Variants in CHD1L observed in about 807,000 individuals in gnomAD.
CHD1L encodes chromodomain helicase DNA binding protein 1 like.
Under a neutral mutation model 115.9 loss-of-function variants are expected in CHD1L, and 118 were observed. That is an observed-to-expected ratio of 1.02 (90% confidence interval 0.88 to 1.19). The LOEUF (loss-of-function observed/expected upper bound fraction) is 1.19. Ranked by LOEUF, CHD1L falls within the 50% of genes most tolerant of loss-of-function variation. The pLI is 0.00. For missense variants in CHD1L, 1,179 were observed against 1,065.3 expected (o/e 1.11, Z -1.49); for synonymous variants, 411 against 387.1 (o/e 1.06, Z -0.72).
chr1:147,286,459 C>G lies in CHD1L; in HGVS notation c.2180C>G (p.Pro727Arg), dbSNP rs782318754. Residue 727 changes from proline (P) to arginine (R), a missense_variant, in exon 18 of 23, where the codon CCT becomes CGT. By Grantham distance (103) the Pro-to-Arg change is moderately radical. Transcript: ENST00000369258. Reference sequence around the variant, plus strand: ...TACGTTAGTGGTGATGTCACCCACCCTCAGGCTGGGGCCGAGGATGCTCTC... The same window carrying G: ...TACGTTAGTGGTGATGTCACCCACCGTCAGGCTGGGGCCGAGGATGCTCTC... ...LKYVSGDVTHPQAGAEDALIV... is the reference protein window; with the variant it reads ...LKYVSGDVTHRQAGAEDALIV... 51 of 1,613,942 alleles carry G rather than the reference C, an allele frequency of 3.2e-5. No individual in the cohort carries two copies. Among genetic ancestry groups the G allele is most frequent in the Non-Finnish European group, 3.9e-5 (46 of 1,180,044 alleles).
chr1:147,232,472 T>C, the CHD1L span, among the ~76,000 whole-genome samples: 1 of 151,692 alleles, frequency 6.6e-6, no homozygotes, highest in South Asian at 2.1e-4. Context: ...ATGCTAAACC[T>C]CAACCTCTCC....
At chr1:147,281,453 G>A (rs1680813130) in intron 15 of CHD1L, among the ~76,000 whole-genome samples, 2 of 152,136 alleles carry the variant, frequency 1.3e-5, no homozygotes, top group Non-Finnish European at 2.9e-5. Context: ...GGCATGGATT[G>A]GGGTGGTTTT....
intron 18 of CHD1L, 26 bp from the exon 19 acceptor site, chr1:147,287,609 T>C: frequency 1.3e-6 from 2 of 1,586,446 alleles, no homozygotes; most frequent in Non-Finnish European, 1.7e-6. Flanking sequence ...CTCCTATAGA[T>C]GAAAATTTTC....
intron 18 of CHD1L, 49 bp downstream of exon 18, chr1:147,286,549 G>A: frequency 1.3e-6 from 2 of 1,563,992 alleles, no homozygotes; most frequent in Non-Finnish European, 1.8e-6. Context: ...TCCTTATGGT[G>A]CCAAGAACTG....
chr1:147,251,862 A>G (rs1668517083), intron 1 of CHD1L, among the ~76,000 whole-genome samples: 1 of 152,198 alleles, frequency 6.6e-6, no homozygotes, highest in Admixed American at 6.5e-5. Flanking sequence ...GGTATTTGTA[A>G]GTGCCTAAGA....
chr1:147,279,977 G>A lies in CHD1L; in HGVS notation c.1540-49G>A, dbSNP rs139993795. The A allele has an allele frequency of 2.9e-4, 462 of 1,600,878 alleles. 4 individuals carry two copies. The East Asian group carries it at 0.01, about 35-fold the overall frequency. ...CTTAGCCAATCACTGATATCCTAAT[G>A]TTTCTTTTCATGAGAATTTGCTGGA... On this transcript the variant is annotated intron_variant, in intron 14 of 22. Coordinates refer to ENST00000369258, the MANE Select transcript of CHD1L (RefSeq NM_004284.6).
chr1:147,265,726 G>A (rs1232149640), intron 7 of CHD1L, among the ~76,000 whole-genome samples: 4 of 152,118 alleles, frequency 2.6e-5, no homozygotes, highest in African/African-American at 4.8e-5. Flanking sequence ...AGTGTTCCTC[G>A]TTCTTGGGCT....
rs78905651 is a variant in CHD1L at position 147,282,338 on chromosome 1, G to T, written c.1706-2013G>T. On this transcript the variant is annotated intron_variant, in intron 15 of 22. Coordinates refer to ENST00000369258, the MANE Select transcript of CHD1L (RefSeq NM_004284.6). ...TGGTTGCTGAAACTGAAAAGGCGGG[G>T]TGAGTCAAGGGCTCATGGCACTCCT... 2.0e-4 allele frequency among the ~76,000 whole-genome samples: 31 copies of T among 152,290 alleles called. No homozygotes were observed. In the East Asian group the frequency reaches 4.8e-3, roughly 24 times the overall value.
chr1:147,229,071 T>A, the CHD1L span, among the ~76,000 whole-genome samples: 5 of 152,200 alleles, frequency 3.3e-5, no homozygotes, highest in African/African-American at 1.2e-4. Context: ...GTTTTAGACA[T>A]GAAGTCCTTG....
At chr1:147,268,987 A>C in intron 10 of CHD1L, 109 bp downstream of exon 10, 1 of 670,692 alleles carries the variant, frequency 1.5e-6, no homozygotes, top group South Asian at 1.9e-5. Context: ...TTTTTTTCTT[A>C]ACACTGATTC....
At chr1:147,250,120 CT>C (rs1265451029) in intron 1 of CHD1L, among the ~76,000 whole-genome samples, 1 of 151,788 alleles carries the variant, frequency 6.6e-6, no homozygotes, top group African/African-American at 2.4e-5. Context: ...CTGAGGTTTC[CT>C]GTTTTTTTCA....
upstream of CHD1L, among the ~76,000 whole-genome samples, chr1:147,238,439 T>C (rs1553930203): frequency 6.6e-6 from 1 of 152,248 alleles, no homozygotes; most frequent in East Asian, 1.9e-4. Flanking sequence ...TGGTAATGTC[T>C]GCACATGCTA....
At position 147,294,397 on chromosome 1, in the gene CHD1L, T is replaced by A; in HGVS notation, c.2507-12T>A. 1 of 1,599,240 alleles carries A rather than the reference T, an allele frequency of 6.3e-7. No individual in the cohort carries two copies. The highest frequency in any genetic ancestry group is 8.5e-7 in the Non-Finnish European group (1 of 1,170,900). ...TGATGAGTGAAGACATGTGTTCTTC[T>A]CTTCATAATAGCAAGTGTTCATCTT... On this transcript the variant is annotated splice_polypyrimidine_tract_variant and intron_variant, in intron 21 of 22. Transcript: ENST00000369258.
At chr1:147,226,388 A>G in the CHD1L span, among the ~76,000 whole-genome samples, 3 of 152,212 alleles carry the variant, frequency 2.0e-5, no homozygotes, top group Non-Finnish European at 4.4e-5. Flanking sequence ...AGGGGCTTAC[A>G]GATTAGTGGA....
intron 1 of CHD1L, among the ~76,000 whole-genome samples, chr1:147,251,799 G>T (rs1553936530): frequency 6.6e-6 from 1 of 152,106 alleles, no homozygotes; most frequent in African/African-American, 2.4e-5. Context: ...CCAAAGTGCT[G>T]GGATTACAGG....
chr1:147,280,616 TCAACAGTGCGGA>T (rs1481759242), intron 15 of CHD1L, among the ~76,000 whole-genome samples: 3 of 152,202 alleles, frequency 2.0e-5, no homozygotes, highest in Non-Finnish European at 2.9e-5. Context: ...TTTGCGTTCA[TCAACAGTGCGGA>T]CTTTGTCATG....
At chr1:147,287,807 G>A in intron 19 of CHD1L, 74 bp downstream of exon 19, 1 of 1,219,648 alleles carries the variant, frequency 8.2e-7, no homozygotes, top group Non-Finnish European at 1.2e-6. Context: ...GTATCGTGAG[G>A]GTTACACAGC....
At chr1:147,222,644 G>A in the CHD1L span, among the ~76,000 whole-genome samples, 184 of 152,328 alleles carry the variant, frequency 1.2e-3, 1 homozygote, top group Admixed American at 3.1e-3. Flanking sequence ...CCACACAGGT[G>A]TGGTCTGTTG....
At chr1:147,291,984 A>G (rs1160879466) in intron 20 of CHD1L, among the ~76,000 whole-genome samples, 4 of 151,828 alleles carry the variant, frequency 2.6e-5, no homozygotes, top group African/African-American at 9.7e-5. Flanking sequence ...GGGCTTCAAT[A>G]TATGAATTTG....
Sources: gnomAD v4.1 joint callset for allele counts (sites outside exome capture counted in the v4.1 genomes callset) on GRCh38, gnomAD v4.1.1 for gene constraint, MANE v1.5 for transcripts, NCBI Gene and HGNC (gene_info 2026-07-23, HGNC 2026-07-21) for gene names.